Variants in TMEM200A observed in about 807,000 individuals in gnomAD.
TMEM200A encodes transmembrane protein 200A.
Under a neutral mutation model 24.3 loss-of-function variants are expected in TMEM200A, and 12 were observed. That is an observed-to-expected ratio of 0.49 (90% CI 0.32 to 0.80). TMEM200A has a LOEUF of 0.80. Ranked by LOEUF, TMEM200A falls within the 30% of genes least tolerant of loss-of-function variation. TMEM200A has a pLI of 0.04. For synonymous variants in TMEM200A, 224 were observed against 224.4 expected, an observed-to-expected ratio of 1.00 and a Z score of 0.02; for missense variants, 545 against 614.4, an observed-to-expected ratio of 0.89 and a Z score of 1.19.
chr6:130,430,604 G>T (rs1002978916), intron 2 of TMEM200A, among the ~76,000 whole-genome samples: 1 of 151,856 alleles, frequency 6.6e-6, no homozygotes, highest in Admixed American at 6.6e-5. Context: ...TACCATTAAG[G>T]TTTCATCCAT....
In TMEM200A at chr6:130,440,829, G is replaced by GCATTTT. The variant is rs1432485650; in HGVS notation, c.419_424dup (p.Phe140_Ile141dup). 2.5e-6 allele frequency: 4 copies of GCATTTT among 1,613,706 alleles called. No individual in the cohort carries two copies. The highest frequency in any genetic ancestry group is 1.3e-5 in the African/African-American group (1 of 74,874). On this transcript the variant is annotated inframe_insertion, in exon 3 of 3. Coordinates refer to ENST00000296978, the MANE Select transcript of TMEM200A (RefSeq NM_001258277.2). ...CTTGGCCCATTCACCATGGGGATTG[G>GCATTTT]CATTTTCATTTTCATTTGTGCTAAT...
At chr6:130,386,841 G>A (rs372723937) in intron 2 of TMEM200A, among the ~76,000 whole-genome samples, 104 of 152,240 alleles carry the variant, frequency 6.8e-4, no homozygotes, top group South Asian at 1.7e-3. Flanking sequence ...ATGCTCAAAG[G>A]CATATTCCTT....
At chr6:130,411,818 T>G (rs558195894) in intron 2 of TMEM200A, among the ~76,000 whole-genome samples, 1 of 152,370 alleles carries the variant, frequency 6.6e-6, no homozygotes, top group East Asian at 1.9e-4. Flanking sequence ...TTTGGTCACT[T>G]GATTAGGCAT....
chr6:130,441,268 A>G lies in TMEM200A; in HGVS notation c.846A>G (p.Ser282=). The G allele has an allele frequency of 6.2e-7, 1 of 1,614,144 alleles. No homozygotes were observed. The highest frequency in any genetic ancestry group is 8.5e-7 in the Non-Finnish European group (1 of 1,180,004). The change falls in exon 3 of 3, where the codon TCA becomes TCG. Residue 282 remains serine (S), a synonymous_variant. Coordinates refer to ENST00000296978, the MANE Select transcript of TMEM200A (RefSeq NM_001258277.2). ...SKKCETKSIV[S]SSISAFTLPV... Reference sequence around the variant, plus strand: ...AATGTGAAACCAAGTCAATTGTGTCATCGTCCATCAGTGCTTTTACATTGC... The same window carrying G: ...AATGTGAAACCAAGTCAATTGTGTCGTCGTCCATCAGTGCTTTTACATTGC...
At chr6:130,408,203 C>T (rs772471706) in intron 2 of TMEM200A, among the ~76,000 whole-genome samples, 23 of 152,076 alleles carry the variant, frequency 1.5e-4, no homozygotes, top group Admixed American at 1.2e-3. Flanking sequence ...GTAGAGGCTT[C>T]GAAACCCAAT....
chr6:130,392,812 G>A (rs917939352), intron 2 of TMEM200A, among the ~76,000 whole-genome samples: 2 of 152,160 alleles, frequency 1.3e-5, no homozygotes, highest in African/African-American at 4.8e-5. Context: ...AGCACTTTGT[G>A]CACATGTACT....
In TMEM200A at chr6:130,366,648, G is replaced by C. The variant is rs2115056447; in HGVS notation, c.-81+124G>C. 1.2e-6 allele frequency: 1 copy of C among 836,432 alleles called. No individual in the cohort carries two copies. Among genetic ancestry groups the C allele is most frequent in the South Asian group, 5.4e-5 (1 of 18,372 alleles). The allele number at this position is 836,432 out of a possible 1,614,324, so 51.8% of individuals were successfully genotyped here. A position where few individuals can be genotyped will look rare whatever the true frequency, so the allele number is the denominator to read the frequency against. On this transcript the variant is annotated intron_variant, in intron 1 of 2. Coordinates refer to ENST00000296978, the MANE Select transcript of TMEM200A (RefSeq NM_001258277.2). The surrounding 1 kb of genome is among the most constrained non-coding windows in gnomAD (Gnocchi z 4.4). ...CCTCCGCTACAGCCTCCAGAGTTAGGTAAACGCTGTCTCTCCTAAAGTTTG... is the reference window on the plus strand; with the variant it reads ...CCTCCGCTACAGCCTCCAGAGTTAGCTAAACGCTGTCTCTCCTAAAGTTTG...
At chr6:130,379,009 T>C (rs1364897470) in intron 1 of TMEM200A, among the ~76,000 whole-genome samples, 1 of 152,162 alleles carries the variant, frequency 6.6e-6, no homozygotes, top group Non-Finnish European at 1.5e-5. Context: ...CTCATTCTTT[T>C]TATGAAGAAA....
chr6:130,430,046 T>A (rs1779839638), intron 2 of TMEM200A, among the ~76,000 whole-genome samples: 1 of 152,094 alleles, frequency 6.6e-6, no homozygotes, highest in African/African-American at 2.4e-5. Context: ...GCATGTGGAG[T>A]GTCCTACTTT....
In TMEM200A at chr6:130,440,909, A is replaced by G. The variant is rs1217906224; in HGVS notation, c.487A>G (p.Ile163Val). 6.2e-7 allele frequency: 1 copy of G among 1,614,092 alleles called. No homozygotes were observed. The highest frequency in any genetic ancestry group is 1.1e-5 in the South Asian group (1 of 91,082). Reference sequence around the variant, plus strand: ...GACCAAAATCATACACATGAGGGATATCTATTCCACAGTCATTGACATTCA... The same window carrying G: ...GACCAAAATCATACACATGAGGGATGTCTATTCCACAGTCATTGACATTCA... ...KETKIIHMRD[I>V]YSTVIDIHTL... Residue 163 changes from isoleucine (I) to valine (V), a missense_variant, in exon 3 of 3, where the codon ATC (isoleucine) becomes GTC (valine). Ile to Val is a conservative substitution (Grantham distance 29). Transcript: ENST00000296978.
Position 130,366,417 on chromosome 6 carries a change from C to T in TMEM200A, c.-188C>T, listed in dbSNP as rs1583163362. 6 of 985,540 alleles carry T rather than the reference C, an allele frequency of 6.1e-6. No individual in the cohort carries two copies. The South Asian group carries it at 2.3e-4, about 39-fold the overall frequency. The allele number at this position is 985,540 out of a possible 1,614,324, so 61.0% of individuals were successfully genotyped here. ...CTGACGCCCCCGACCCTGCCGCCTT[C>T]TTCGTCCGCCTCCAGAGGCGCCCGA... On this transcript the variant is annotated 5_prime_UTR_variant, in exon 1 of 3. Transcript: ENST00000296978. This position sits in a 1 kb window ranked among gnomAD's most constrained non-coding sequence, Gnocchi z 4.4.
chr6:130,403,109 A>G (rs1225855302), intron 2 of TMEM200A, among the ~76,000 whole-genome samples: 1 of 152,084 alleles, frequency 6.6e-6, no homozygotes, highest in Non-Finnish European at 1.5e-5. Flanking sequence ...AGGTAAAACC[A>G]CTTGTTTTAG....
Position 130,366,358 on chromosome 6 carries a change from A to G in TMEM200A, c.-247A>G. ...CGCCCGAGCCCTGGGATGGGGAGGG[A>G]GACCGCGGCTGCCCGCGGCGGCCGA... On this transcript the variant is annotated 5_prime_UTR_variant, in exon 1 of 3. Coordinates refer to ENST00000296978, the MANE Select transcript of TMEM200A (RefSeq NM_001258277.2). The surrounding 1 kb of genome is among the most constrained non-coding windows in gnomAD (Gnocchi z 4.4). 2.1e-6 allele frequency: 2 copies of G among 972,670 alleles called. No individual in the cohort carries two copies. Among genetic ancestry groups the G allele is most frequent in the Non-Finnish European group, 2.4e-6 (2 of 827,900 alleles). The allele number at this position is 972,670 out of a possible 1,614,324, so 60.3% of individuals were successfully genotyped here.
At chr6:130,369,154 A>G (rs1269445989) in intron 1 of TMEM200A, among the ~76,000 whole-genome samples, 2 of 152,242 alleles carry the variant, frequency 1.3e-5, no homozygotes, top group Admixed American at 6.5e-5. Context: ...TTGAAAATAC[A>G]TAATAAAATA....
chr6:130,389,436 A>G (rs1479991475), intron 2 of TMEM200A, among the ~76,000 whole-genome samples: 2 of 152,102 alleles, frequency 1.3e-5, no homozygotes. Context: ...GTAAAGAACA[A>G]TGTGAGAGAA....
chr6:130,365,865 G>T, upstream of TMEM200A: 1 of 985,680 alleles, frequency 1.0e-6, no homozygotes, highest in South Asian at 4.7e-5. Flanking sequence ...TGGGTGGCAG[G>T]ACTGGGGTTT....
chr6:130,380,355 A>G (rs745925332), intron 1 of TMEM200A, among the ~76,000 whole-genome samples: 20 of 152,212 alleles, frequency 1.3e-4, no homozygotes, highest in Non-Finnish European at 1.6e-4. Flanking sequence ...CTGCAGGCTT[A>G]CTGCTAAGTG....
At chr6:130,424,624 A>G (rs1779684703) in intron 2 of TMEM200A, among the ~76,000 whole-genome samples, 2 of 152,086 alleles carry the variant, frequency 1.3e-5, no homozygotes, top group South Asian at 4.1e-4. Context: ...ACTTTATTTA[A>G]TTTCAATTTG....
intron 2 of TMEM200A, among the ~76,000 whole-genome samples, chr6:130,429,883 A>AG (rs757130251): frequency 1.3e-5 from 2 of 152,164 alleles, no homozygotes; most frequent in African/African-American, 4.8e-5. Flanking sequence ...CGTAAAAAAA[A>AG]CGTGTATAAA....
Sources: allele counts gnomAD v4.1 joint callset (sites outside exome capture counted in the v4.1 genomes callset), GRCh38; gene constraint gnomAD v4.1.1; non-coding constraint Gnocchi (gnomAD v3.1); transcripts MANE v1.5; gene names NCBI Gene and HGNC (gene_info 2026-07-23, HGNC 2026-07-21).